Variants in EFNB2 observed in about 807,000 individuals in gnomAD.
EFNB2 encodes the protein ephrin-B2.
EFNB2 carries 5 observed loss-of-function variants against 32.1 expected under a neutral mutation model. The observed-to-expected ratio is 0.16, with a 90% CI of 0.08 to 0.33. EFNB2 has a LOEUF of 0.33. Among genes scored for constraint, EFNB2 ranks in the 10% least tolerant of loss-of-function variants. The pLI is 1.00. For synonymous variants in EFNB2, 168 were observed against 166.5 expected (o/e 1.01, Z -0.07); for missense variants, 263 against 422.6 (o/e 0.62, Z 3.31).
At chr13:106,528,247 T>C (rs1386342572) in intron 1 of EFNB2, among the ~76,000 whole-genome samples, 1 of 152,158 alleles carries the variant, frequency 6.6e-6, no homozygotes, top group Non-Finnish European at 1.5e-5. Context: ...AAAAATGTTT[T>C]GAGTCTATGA....
At chr13:106,498,227 C>A (rs1878655301) in intron 2 of EFNB2, among the ~76,000 whole-genome samples, 2 of 152,072 alleles carry the variant, frequency 1.3e-5, no homozygotes, top group African/African-American at 4.8e-5. Flanking sequence ...TTATTTTAAT[C>A]TTGAGGGGGA....
In EFNB2 at chr13:106,515,092, C is replaced by A. The variant is rs544988007; in HGVS notation, c.123-2280G>T. On this transcript the variant is annotated intron_variant, in intron 1 of 4. Coordinates refer to ENST00000646441, the MANE Select transcript of EFNB2 (RefSeq NM_004093.4). ...GATTCACAGGAGGTTTCCTCCCAGG[C>A]CATGCAAGTCACTCCTCTTGACTCT... Among the ~76,000 whole-genome samples, 7 of 152,210 alleles carry A rather than the reference C, an allele frequency of 4.6e-5. No individual in the cohort carries two copies. The South Asian group carries it at 1.4e-3, about 32-fold the overall frequency.
intron 2 of EFNB2, among the ~76,000 whole-genome samples, chr13:106,509,219 G>A (rs1182805380): frequency 6.6e-6 from 1 of 152,178 alleles, no homozygotes; most frequent in Non-Finnish European, 1.5e-5. Context: ...TAATTCTTCT[G>A]AAATGCTGTT....
At chr13:106,500,351 C>T (rs16968780) in intron 2 of EFNB2, among the ~76,000 whole-genome samples, 3,257 of 152,142 alleles carry the variant, frequency 0.021, 107 homozygotes, top group African/African-American at 0.075. Flanking sequence ...AGATGTGAAA[C>T]GGGGAAGCAC....
intron 2 of EFNB2, among the ~76,000 whole-genome samples, chr13:106,502,802 G>A (rs569129803): frequency 6.6e-6 from 1 of 152,100 alleles, no homozygotes; most frequent in African/African-American, 2.4e-5. Flanking sequence ...TACAGACCTG[G>A]AAAGCTACTG....
chr13:106,496,721 C>T (rs2138900986), intron 2 of EFNB2, among the ~76,000 whole-genome samples: 1 of 152,224 alleles, frequency 6.6e-6, no homozygotes, highest in Middle Eastern at 3.4e-3. Context: ...AGCCTATGCT[C>T]TATTTAAACA....
intron 2 of EFNB2, among the ~76,000 whole-genome samples, chr13:106,508,078 C>T (rs918513890): frequency 3.9e-5 from 6 of 152,006 alleles, no homozygotes; most frequent in South Asian, 2.1e-4. Context: ...AGGTTTTATG[C>T]GAAGGTAGAA....
chr13:106,532,180 C>G (rs941820673), intron 1 of EFNB2, among the ~76,000 whole-genome samples: 1 of 152,040 alleles, frequency 6.6e-6, no homozygotes, highest in African/African-American at 2.4e-5. Flanking sequence ...TTTCAGCACG[C>G]AGGACATCTT....
rs1879378464 is a variant in EFNB2 at position 106,518,196 on chromosome 13, G to A, written c.123-5384C>T. On this transcript the variant is annotated intron_variant, in intron 1 of 4. Transcript: ENST00000646441. The surrounding 1 kb of genome is among the most constrained non-coding windows in gnomAD (Gnocchi z 4.1). ...CTATTAAAAATACAACACTTAGCTG[G>A]GCATGGTGGCGGGCGCCTGTAGTCC... 6.6e-6 allele frequency: 1 copy of A among 152,118 alleles called. No homozygotes were observed. The highest frequency in any genetic ancestry group is 2.1e-4 in the South Asian group (1 of 4,824). The allele number at this position is 152,118 out of a possible 1,614,324, so 9.4% of individuals were successfully genotyped here.
intron 2 of EFNB2, 137 bp downstream of exon 2, chr13:106,512,392 A>AATG: frequency 3.3e-6 from 1 of 300,382 alleles, no homozygotes; most frequent in Non-Finnish European, 5.2e-6. Context: ...AAAAAAAAAA[A>AATG]GGGGGGGGGG....
chr13:106,515,895 T>C (rs1879296545), intron 1 of EFNB2, among the ~76,000 whole-genome samples: 1 of 152,206 alleles, frequency 6.6e-6, no homozygotes, highest in African/African-American at 2.4e-5. Flanking sequence ...TAACCTATGT[T>C]GTGCCAGACA....
intron 1 of EFNB2, among the ~76,000 whole-genome samples, chr13:106,534,534 C>T (rs1879990398): frequency 6.6e-6 from 1 of 152,238 alleles, no homozygotes; most frequent in African/African-American, 2.4e-5. Flanking sequence ...TCCTCGAAAA[C>T]AGGAGAGGGT....
intron 1 of EFNB2, among the ~76,000 whole-genome samples, chr13:106,526,685 T>G (rs1278798074): frequency 6.6e-6 from 1 of 152,202 alleles, no homozygotes; most frequent in African/African-American, 2.4e-5. Flanking sequence ...ACTTTCTAAC[T>G]TCTTCTGCAG....
chr13:106,508,903 T>G (rs1309701118), intron 2 of EFNB2, among the ~76,000 whole-genome samples: 1 of 152,196 alleles, frequency 6.6e-6, no homozygotes, highest in Non-Finnish European at 1.5e-5. Context: ...TATTCACGTC[T>G]GAAACTCACA....
In EFNB2 at chr13:106,495,706, A is replaced by G. The variant is rs779114120; in HGVS notation, c.499+42T>C. On this transcript the variant is annotated intron_variant, in intron 3 of 4. Coordinates refer to ENST00000646441, the MANE Select transcript of EFNB2 (RefSeq NM_004093.4). Reference sequence around the variant, plus strand: ...TAGCACCATACTAGCTGGGGGCTACACCAGGTCACAGTGGCGTCATGAAGC... The same window carrying G: ...TAGCACCATACTAGCTGGGGGCTACGCCAGGTCACAGTGGCGTCATGAAGC... The G allele has an allele frequency of 5.7e-6, 9 of 1,587,584 alleles. No homozygotes were observed. The East Asian group carries it at 2.0e-4, about 36-fold the overall frequency.
intron 2 of EFNB2, among the ~76,000 whole-genome samples, chr13:106,508,235 G>A (rs1194237990): frequency 6.6e-6 from 1 of 152,000 alleles, no homozygotes; most frequent in Non-Finnish European, 1.5e-5. Context: ...TACGGATAAA[G>A]GCTACGAACA....
intron 1 of EFNB2, among the ~76,000 whole-genome samples, chr13:106,523,139 A>G (rs556419103): frequency 2.0e-5 from 3 of 152,232 alleles, no homozygotes; most frequent in African/African-American, 4.8e-5. Context: ...ATTTTCCTGC[A>G]CGTCTCAGGG....
chr13:106,490,478 T>C lies in EFNB2; in HGVS notation c.*2562A>G, dbSNP rs1878361751. The C allele has an allele frequency of 6.6e-6, 1 of 152,212 alleles. No individual in the cohort carries two copies. Among genetic ancestry groups the C allele is most frequent in the Non-Finnish European group, 1.5e-5 (1 of 68,042 alleles). The allele number at this position is 152,212 out of a possible 1,614,324, so 9.4% of individuals were successfully genotyped here. A position where few individuals can be genotyped will look rare whatever the true frequency, so the allele number is the denominator to read the frequency against. On this transcript the variant is annotated 3_prime_UTR_variant, in exon 5 of 5. Transcript: ENST00000646441. ...CACTTTTCAATTGGTTGCAGGGAACTCTTTTATCAATTCATCTGATTTTTC... is the reference window on the plus strand; with the variant it reads ...CACTTTTCAATTGGTTGCAGGGAACCCTTTTATCAATTCATCTGATTTTTC...
chr13:106,498,131 TAA>T (rs1878651442), intron 2 of EFNB2, among the ~76,000 whole-genome samples: 1 of 152,058 alleles, frequency 6.6e-6, no homozygotes, highest in African/African-American at 2.4e-5. Context: ...TTTTTGTTGC[TAA>T]AAGTTTCAAC....
Sources: allele counts gnomAD v4.1 joint callset (sites outside exome capture counted in the v4.1 genomes callset), GRCh38; gene constraint gnomAD v4.1.1; non-coding constraint Gnocchi (gnomAD v3.1); transcripts MANE v1.5; gene names NCBI Gene and HGNC (gene_info 2026-07-23, HGNC 2026-07-21).